Variants in LCMT1 observed in about 807,000 individuals in gnomAD.
The protein encoded by LCMT1 is [Phosphatase 2A protein]-leucine-carboxy methyltransferase 1.
Under a neutral mutation model 47.7 loss-of-function variants are expected in LCMT1, and 32 were observed. The ratio of observed to expected loss-of-function variants is 0.67; its 90% CI spans 0.51 to 0.90. The LOEUF is 0.90. Ranked by LOEUF, LCMT1 falls within the 40% of genes least tolerant of loss-of-function variation. The pLI is 0.00. For missense variants in LCMT1, 375 were observed against 415.2 expected (o/e 0.90, Z 0.84); for synonymous variants, 152 against 149.7 (o/e 1.02, Z -0.11).
intron 4 of LCMT1, chr16:25,144,733 A>G (rs1199474911): frequency 6.6e-6 from 1 of 152,180 alleles, no homozygotes; most frequent in Admixed American, 6.5e-5. Context: ...ATGCTTCACT[A>G]AACAGCAGGG....
intron 7 of LCMT1, among the ~76,000 whole-genome samples, chr16:25,166,898 T>G (rs1373744230): frequency 1.3e-5 from 2 of 152,216 alleles, no homozygotes; most frequent in Non-Finnish European, 2.9e-5. Context: ...GGTCTTTTCT[T>G]TTGATGTGAA....
At chr16:25,120,956 T>C (rs892813642) in intron 1 of LCMT1, among the ~76,000 whole-genome samples, 5 of 147,564 alleles carry the variant, frequency 3.4e-5, no homozygotes, top group African/African-American at 1.3e-4. Context: ...GACGGGGTTT[T>C]GCCGTGTTGC....
intron 1 of LCMT1, among the ~76,000 whole-genome samples, chr16:25,118,328 A>G (rs1959862520): frequency 6.6e-6 from 1 of 151,912 alleles, no homozygotes; most frequent in African/African-American, 2.4e-5. Flanking sequence ...GCCCTGGAGC[A>G]TGCCATTCCC....
At position 25,167,080 on chromosome 16, in the gene LCMT1, G is replaced by A. The variant is rs546346563; in HGVS notation, c.691-2032G>A. 1.8e-3 allele frequency among the ~76,000 whole-genome samples: 273 copies of A among 152,264 alleles called. 1 individual carries two copies. The highest frequency in any genetic ancestry group is 6.4e-3 in the African/African-American group (267 of 41,540). Reference sequence around the variant, plus strand: ...CATCATATGAGAGATGATGGATTCAGTGAATTCTGACCAGAGATCTTGTCA... The same window carrying A: ...CATCATATGAGAGATGATGGATTCAATGAATTCTGACCAGAGATCTTGTCA... On this transcript the variant is annotated intron_variant, in intron 7 of 10. Transcript: ENST00000399069.
At chr16:25,136,090 CAAAAAAAAAAAAA>C (rs36051960) in intron 3 of LCMT1, among the ~76,000 whole-genome samples, 1 of 69,178 alleles carries the variant, frequency 1.4e-5, no homozygotes, top group Non-Finnish European at 2.8e-5. Context: ...GATGCTGTCT[CAAAAAAAAAAAAA>C]AAAAAAAAGG....
At chr16:25,165,926 C>T (rs1291759193) in intron 7 of LCMT1, among the ~76,000 whole-genome samples, 1 of 152,148 alleles carries the variant, frequency 6.6e-6, no homozygotes, top group Non-Finnish European at 1.5e-5. Flanking sequence ...TGTTGCCCAA[C>T]TGTAAGTAAG....
At chr16:25,169,851 G>GT (rs1282045299) in intron 8 of LCMT1, among the ~76,000 whole-genome samples, 5 of 152,046 alleles carry the variant, frequency 3.3e-5, no homozygotes, top group African/African-American at 1.2e-4. Context: ...TTGACTCTAT[G>GT]TTAATGCCCC....
intron 9 of LCMT1, among the ~76,000 whole-genome samples, chr16:25,173,913 T>C (rs549240600): frequency 6.6e-6 from 1 of 152,116 alleles, no homozygotes; most frequent in Non-Finnish European, 1.5e-5. Context: ...TATATAGTTA[T>C]TTATTTTTAT....
At chr16:25,137,743 G>A (rs1289244268) in intron 3 of LCMT1, among the ~76,000 whole-genome samples, 3 of 148,674 alleles carry the variant, frequency 2.0e-5, no homozygotes, top group East Asian at 2.0e-4. Flanking sequence ...TGTACTTGGC[G>A]TCCTTTTTTG....
chr16:25,160,421 T>C (rs1177291790), intron 5 of LCMT1, among the ~76,000 whole-genome samples: 1 of 152,232 alleles, frequency 6.6e-6, no homozygotes, highest in East Asian at 1.9e-4. Flanking sequence ...TCAAAGCAAA[T>C]GCTGTCATTT....
rs543138918 is a variant in LCMT1 at position 25,160,737 on chromosome 16, G to A, written c.467-365G>A. 9.4e-5 allele frequency: 49 copies of A among 523,582 alleles called. No homozygotes were observed. In the East Asian group the frequency reaches 2.3e-3, roughly 25 times the overall value. The allele number at this position is 523,582 out of a possible 1,614,324, so 32.4% of individuals were successfully genotyped here. On this transcript the variant is annotated intron_variant, in intron 5 of 10. Transcript: ENST00000399069. ...AATGCTATGAAATCATTATACAGAAGGATGTCCCTGATGCTGTTGTTACGT... is the reference window on the plus strand; with the variant it reads ...AATGCTATGAAATCATTATACAGAAAGATGTCCCTGATGCTGTTGTTACGT...
At chr16:25,149,376 G>T (rs1453188793) in intron 4 of LCMT1, among the ~76,000 whole-genome samples, 1 of 152,216 alleles carries the variant, frequency 6.6e-6, no homozygotes, top group South Asian at 2.1e-4. Flanking sequence ...TTCCTTCCTG[G>T]GATGAGACAC....
intron 5 of LCMT1, among the ~76,000 whole-genome samples, chr16:25,155,805 C>T (rs1029113044): frequency 1.4e-4 from 21 of 152,078 alleles, no homozygotes; most frequent in African/African-American, 4.1e-4. Context: ...CACAGTCTCC[C>T]GAGTAGCTGG....
chr16:25,165,547 C>T (rs1332628732), intron 7 of LCMT1, among the ~76,000 whole-genome samples: 1 of 149,476 alleles, frequency 6.7e-6, no homozygotes, highest in Non-Finnish European at 1.5e-5. Flanking sequence ...GCCAGAGTTT[C>T]ACTCTTATTG....
intron 10 of LCMT1, among the ~76,000 whole-genome samples, chr16:25,177,683 T>C (rs1961988208): frequency 6.6e-6 from 1 of 152,224 alleles, no homozygotes; most frequent in Non-Finnish European, 1.5e-5. Context: ...GGGACATCAG[T>C]GCTTGTCTGT....
At chr16:25,134,635 C>G (rs1358592407) in intron 3 of LCMT1, among the ~76,000 whole-genome samples, 3 of 152,228 alleles carry the variant, frequency 2.0e-5, no homozygotes, top group East Asian at 1.9e-4. Flanking sequence ...CTTACTCACT[C>G]TCTCACCCAG....
chr16:25,156,851 C>T (rs540748128), intron 5 of LCMT1, among the ~76,000 whole-genome samples: 22 of 152,050 alleles, frequency 1.4e-4, no homozygotes, highest in Non-Finnish European at 2.5e-4. Flanking sequence ...CAGGACTTGG[C>T]TCAGTGCCCC....
chr16:25,129,440 T>A (rs1023724484), intron 2 of LCMT1, among the ~76,000 whole-genome samples: 1 of 152,252 alleles, frequency 6.6e-6, no homozygotes, highest in Non-Finnish European at 1.5e-5. Flanking sequence ...ACTGCAATTT[T>A]AAAAATGTTT....
intron 5 of LCMT1, among the ~76,000 whole-genome samples, chr16:25,153,162 C>G (rs939841918): frequency 1.3e-5 from 2 of 152,234 alleles, no homozygotes; most frequent in African/African-American, 2.4e-5. Context: ...CTTCCAACCT[C>G]TACCCATTAC....
Sources: gnomAD v4.1 joint callset for allele counts (sites outside exome capture counted in the v4.1 genomes callset) on GRCh38, gnomAD v4.1.1 for gene constraint, MANE v1.5 for transcripts, NCBI Gene and HGNC (gene_info 2026-07-23, HGNC 2026-07-21) for gene names.